CREB5: variants seen among roughly 807,000 people sequenced by gnomAD.
CREB5 encodes cAMP responsive element binding protein 5.
In CREB5, 19 loss-of-function variants were observed where a neutral mutation model predicts 57.1. The observed-to-expected ratio is 0.33, with a 90% CI of 0.23 to 0.49. The LOEUF (loss-of-function observed/expected upper bound fraction) is 0.49, where lower values mean the gene tolerates loss of function less well. Among genes scored for constraint, CREB5 ranks in the 20% least tolerant of loss-of-function variants. CREB5 has a pLI of 0.99. For missense variants in CREB5, 579 were observed against 671.6 expected (o/e 0.86, Z 1.52); for synonymous variants, 238 against 238.3 (o/e 1.00, Z 0.01).
intron 5 of CREB5, among the ~76,000 whole-genome samples, chr7:28,589,414 TG>T (rs1796414258): frequency 1.3e-5 from 2 of 151,772 alleles, no homozygotes; most frequent in African/African-American, 4.8e-5. Context: ...ATTAGCTGAG[TG>T]TGGTGGCAGG....
intron 7 of CREB5, among the ~76,000 whole-genome samples, chr7:28,727,710 A>G (rs1166041361): frequency 2.6e-5 from 4 of 152,158 alleles, no homozygotes; most frequent in Admixed American, 2.6e-4. Context: ...GTGGCCATAC[A>G]CCTGTCTTGT....
At chr7:28,544,976 C>T (rs1377936542) in intron 4 of CREB5, among the ~76,000 whole-genome samples, 1 of 152,258 alleles carries the variant, frequency 6.6e-6, no homozygotes, top group African/African-American at 2.4e-5. Flanking sequence ...AATTGGCTGG[C>T]AGGGTCAGCC....
In CREB5 at chr7:28,547,325, T is replaced by G. The variant is rs536258047; in HGVS notation, c.292-23040T>G. 7.9e-4 allele frequency among the ~76,000 whole-genome samples: 120 copies of G among 152,346 alleles called. 1 individual carries two copies. The highest frequency in any genetic ancestry group is 1.3e-3 in the Non-Finnish European group (89 of 68,036). ...TTGTAATTATTCACCTTTCTATTTT[T>G]TCATTGTTTTTCTTGTTTTAATTTG... is the stretch of plus-strand genomic sequence containing the variant. On this transcript the variant is annotated intron_variant, in intron 4 of 10. Transcript: ENST00000357727.
chr7:28,335,332 A>G (rs1785803902), intron 1 of CREB5, among the ~76,000 whole-genome samples: 1 of 152,096 alleles, frequency 6.6e-6, no homozygotes, highest in African/African-American at 2.4e-5. Context: ...CATGAACATG[A>G]AATGTCTTTT....
rs1562670810 is a variant in CREB5 at position 28,353,781 on chromosome 7, TGCA to T, written c.-25+54342_-25+54344del. Reference sequence around the variant, plus strand: ...TGGCGTGAACCCAGGAGGCGGAGCTTGCAGTGAGCAGAGATCACACCACTGCAC... The same window carrying T: ...TGGCGTGAACCCAGGAGGCGGAGCTTGTGAGCAGAGATCACACCACTGCAC... On this transcript the variant is annotated intron_variant, in intron 1 of 9. Transcript: ENST00000396299. Among the ~76,000 whole-genome samples, 6 of 149,064 alleles carry T rather than the reference TGCA, an allele frequency of 4.0e-5. No individual in the cohort carries two copies. In the Admixed American group the frequency reaches 4.0e-4, roughly 10 times the overall value.
intron 5 of CREB5, among the ~76,000 whole-genome samples, chr7:28,710,580 G>C (rs894345615): frequency 6.6e-6 from 1 of 152,030 alleles, no homozygotes; most frequent in Non-Finnish European, 1.5e-5. Context: ...TTGCTCCCAG[G>C]AGTTTTAAGC....
intron 1 of CREB5, among the ~76,000 whole-genome samples, chr7:28,438,719 A>G (rs1051087227): frequency 1.3e-5 from 2 of 152,204 alleles, no homozygotes; most frequent in African/African-American, 4.8e-5. Context: ...CTCTGTTATT[A>G]CATTCACAGA....
At chr7:28,744,525 T>G (rs976789016) in intron 7 of CREB5, among the ~76,000 whole-genome samples, 1 of 151,938 alleles carries the variant, frequency 6.6e-6, no homozygotes, top group East Asian at 1.9e-4. Flanking sequence ...TTTTTGTATT[T>G]TTAGTAGAGA....
intron 5 of CREB5, among the ~76,000 whole-genome samples, chr7:28,642,995 C>CACACACACACACACAA (rs1562544823): frequency 1.1e-5 from 1 of 92,218 alleles, no homozygotes; most frequent in African/African-American, 4.8e-5. Context: ...CATACACACA[C>CACACACACACACACAA]ACACACACAC....
intron 5 of CREB5, among the ~76,000 whole-genome samples, chr7:28,697,100 T>C (rs1801617141): frequency 6.6e-6 from 1 of 152,120 alleles, no homozygotes; most frequent in Non-Finnish European, 1.5e-5. Context: ...ACAATTTTTA[T>C]GGAATAATAC....
intron 5 of CREB5, among the ~76,000 whole-genome samples, chr7:28,665,574 A>G (rs890566888): frequency 2.6e-5 from 4 of 152,202 alleles, no homozygotes; most frequent in Non-Finnish European, 5.9e-5. Context: ...TAGGAACTTT[A>G]TAAGAAAGTA....
chr7:28,308,061 A>T (rs1389341650), intron 1 of CREB5, among the ~76,000 whole-genome samples: 1 of 152,182 alleles, frequency 6.6e-6, no homozygotes, highest in Non-Finnish European at 1.5e-5. Context: ...GTGCCTGGGC[A>T]TCCTGGATGA....
At chr7:28,682,167 A>G (rs1380920152) in intron 5 of CREB5, among the ~76,000 whole-genome samples, 1 of 152,228 alleles carries the variant, frequency 6.6e-6, no homozygotes, top group African/African-American at 2.4e-5. Flanking sequence ...GTTACACGAC[A>G]GGAGTCACCA....
intron 1 of CREB5, among the ~76,000 whole-genome samples, chr7:28,467,481 C>T (rs1220544507): frequency 1.3e-5 from 2 of 152,168 alleles, no homozygotes; most frequent in Admixed American, 1.3e-4. Flanking sequence ...CTACTGTTTG[C>T]TGTGCATTCT....
Position 28,804,317 on chromosome 7 carries a change from T to C in CREB5, c.821T>C (p.Met274Thr), listed in dbSNP as rs2128800521. 1 of 1,613,920 alleles carries C rather than the reference T, an allele frequency of 6.2e-7. No homozygotes were observed. The change falls in exon 8 of 11, where the codon ATG becomes ACG. Residue 274 changes from methionine to threonine, a missense_variant. By Grantham distance (81) the Met-to-Thr change is moderately conservative. Around this residue, in one of 3 missense-constraint regions of CREB5, gnomAD observed 459 missense variants for 515.7 expected, o/e 0.89. Transcript: ENST00000357727. ...CAGGACCAGACGCCACACCATCACATGCACTCGCACCCGCATCAGCACCAG... is the reference window on the plus strand; with the variant it reads ...CAGGACCAGACGCCACACCATCACACGCACTCGCACCCGCATCAGCACCAG... Reference protein sequence around the residue: ...SRQDQTPHHHMHSHPHQHQTL... With the variant: ...SRQDQTPHHHTHSHPHQHQTL...
chr7:28,639,066 G>A (rs1264920313), intron 5 of CREB5, among the ~76,000 whole-genome samples: 1 of 152,184 alleles, frequency 6.6e-6, no homozygotes, highest in Non-Finnish European at 1.5e-5. Context: ...ACCTGGCCCA[G>A]TTGTTCCACG....
chr7:28,558,785 A>G (rs529970487), intron 4 of CREB5, among the ~76,000 whole-genome samples: 1 of 152,194 alleles, frequency 6.6e-6, no homozygotes, highest in Non-Finnish European at 1.5e-5. Flanking sequence ...CTGGTCATTA[A>G]GTAGGTATGC....
At chr7:28,579,539 C>A (rs775758744) in intron 5 of CREB5, among the ~76,000 whole-genome samples, 2 of 152,160 alleles carry the variant, frequency 1.3e-5, no homozygotes, top group Non-Finnish European at 2.9e-5. Context: ...TGGGTAGCGA[C>A]ATGATGGAAT....
intron 7 of CREB5, among the ~76,000 whole-genome samples, chr7:28,728,247 C>T (rs1803433812): frequency 6.6e-6 from 1 of 152,130 alleles, no homozygotes; most frequent in South Asian, 2.1e-4. Context: ...GCCTATTGTC[C>T]CCACTTTACA....
Sources: gnomAD v4.1 joint callset for allele counts (sites outside exome capture counted in the v4.1 genomes callset) on GRCh38, gnomAD v4.1.1 for gene constraint, gnomAD v4.1.1 regional missense constraint, MANE v1.5 for transcripts, NCBI Gene and HGNC (gene_info 2026-07-23, HGNC 2026-07-21) for gene names.